DAB1: variants seen among roughly 807,000 people sequenced by gnomAD.
DAB1 encodes the protein disabled homolog 1.
In DAB1, 15 loss-of-function variants were observed where a neutral mutation model predicts 64.6. The ratio of observed to expected loss-of-function variants is 0.23; its 90% confidence interval spans 0.16 to 0.36. The LOEUF is 0.36. DAB1 is among the 10% of genes least tolerant of loss of function. The pLI is 1.00. For missense variants in DAB1, 596 were observed against 706.7 expected (o/e 0.84, Z 1.78); for synonymous variants, 235 against 251.9 (o/e 0.93, Z 0.64).
intron 4 of DAB1, among the ~76,000 whole-genome samples, chr1:58,223,353 G>A (rs1659277918): frequency 6.6e-6 from 1 of 152,132 alleles, no homozygotes; most frequent in Non-Finnish European, 1.5e-5. Flanking sequence ...CAGGACCAAA[G>A]GTATAATTGA....
intron 2 of DAB1, among the ~76,000 whole-genome samples, chr1:57,174,172 C>G (rs1055962577): frequency 1.3e-5 from 2 of 152,176 alleles, no homozygotes; most frequent in African/African-American, 4.8e-5. Flanking sequence ...CAATTCCTAT[C>G]AGTATTCCAT....
intron 6 of DAB1, among the ~76,000 whole-genome samples, chr1:57,785,686 G>A (rs1459317546): frequency 2.0e-5 from 3 of 152,140 alleles, no homozygotes; most frequent in African/African-American, 7.2e-5. Context: ...TAACAGATAA[G>A]GAGTTGCTTA....
intron 4 of DAB1, among the ~76,000 whole-genome samples, chr1:58,181,784 T>C (rs1050214505): frequency 2.0e-5 from 3 of 151,190 alleles, no homozygotes; most frequent in East Asian, 1.9e-4. Context: ...AGCCCAACAA[T>C]AGATTTTAAA....
At chr1:58,240,230 T>C (rs1432021914) in intron 4 of DAB1, among the ~76,000 whole-genome samples, 2 of 152,200 alleles carry the variant, frequency 1.3e-5, no homozygotes, top group Non-Finnish European at 2.9e-5. Flanking sequence ...CTCCCTTCTG[T>C]TAGAAGTGGC....
chr1:58,069,675 T>G lies in DAB1; in HGVS notation n.387+80836A>C, dbSNP rs367907523. On this transcript the variant is annotated intron_variant and non_coding_transcript_variant, in intron 5 of 20. Transcript: ENST00000485760. The stretch of plus-strand genomic sequence containing the variant: ...CAACACACCTAATATCAATAATTAG[T>G]GTCTCCATGTTGAAATGATATCTTA... 5.0e-4 allele frequency among the ~76,000 whole-genome samples: 76 copies of G among 152,304 alleles called. No individual in the cohort carries two copies. The South Asian group carries it at 0.015, about 31-fold the overall frequency.
chr1:57,062,770 CAT>C (rs1650528478), intron 9 of DAB1, 112 bp downstream of exon 9: 2 of 849,242 alleles, frequency 2.4e-6, no homozygotes, highest in African/African-American at 1.7e-5. Flanking sequence ...CCAGCAGAAA[CAT>C]GTGGGGCCAT....
intron 4 of DAB1, among the ~76,000 whole-genome samples, chr1:58,199,413 C>A (rs966091780): frequency 3.7e-4 from 56 of 152,160 alleles, no homozygotes; most frequent in Non-Finnish European, 8.1e-4. Context: ...TCATAAAATT[C>A]TAGTAAGATA....
intron 3 of DAB1, among the ~76,000 whole-genome samples, chr1:58,390,078 C>A (rs1473438590): frequency 6.6e-6 from 1 of 152,004 alleles, no homozygotes; most frequent in African/African-American, 2.4e-5. Flanking sequence ...TAACACAGCT[C>A]AATATATTTT....
At chr1:57,238,376 G>A (rs1668245237) in intron 2 of DAB1, among the ~76,000 whole-genome samples, 1 of 152,192 alleles carries the variant, frequency 6.6e-6, no homozygotes, top group South Asian at 2.1e-4. Flanking sequence ...AGGAGAAAGA[G>A]CCAGAGGATA....
intron 1 of DAB1, among the ~76,000 whole-genome samples, chr1:57,378,850 A>G (rs1681123733): frequency 6.6e-6 from 1 of 152,198 alleles, no homozygotes; most frequent in South Asian, 2.1e-4. Context: ...TGGACCCAAA[A>G]GGAGAATATT....
intron 7 of DAB1, among the ~76,000 whole-genome samples, chr1:57,609,424 A>G (rs1268575388): frequency 2.0e-5 from 3 of 152,216 alleles, no homozygotes; most frequent in African/African-American, 4.8e-5. Context: ...ATATGCAAAT[A>G]TTATACCATT....
At chr1:57,207,641 C>G (rs977613087) in intron 2 of DAB1, among the ~76,000 whole-genome samples, 1 of 150,146 alleles carries the variant, frequency 6.7e-6, no homozygotes, top group Non-Finnish European at 1.5e-5. Flanking sequence ...GACGGGGTTT[C>G]ACCGTTTTTA....
rs141160990 is a variant in DAB1, at chr1:57,243,420, C to T, written c.67+47544G>A. 2.2e-4 allele frequency among the ~76,000 whole-genome samples: 34 copies of T among 152,264 alleles called. No homozygotes were observed. In the East Asian group the frequency reaches 6.4e-3, roughly 29 times the overall value. ...CCAATACTTTTTGCCCCTCAACTCT[C>T]TGTTTCATTTATCTTCTCCTGACTA... On this transcript the variant is annotated intron_variant, in intron 2 of 14. Transcript: ENST00000371236.
At chr1:57,675,872 A>T (rs1646560548) in intron 6 of DAB1, among the ~76,000 whole-genome samples, 1 of 152,192 alleles carries the variant, frequency 6.6e-6, no homozygotes, top group African/African-American at 2.4e-5. Flanking sequence ...TTTGAAGATT[A>T]TTAATAGAAA....
chr1:57,468,122 C>A (rs752311362), intron 7 of DAB1, among the ~76,000 whole-genome samples: 2 of 152,128 alleles, frequency 1.3e-5, no homozygotes, highest in African/African-American at 4.8e-5. Flanking sequence ...AAAGACTGTG[C>A]GTTTCTCAGA....
chr1:57,567,552 T>A (rs573562361), intron 7 of DAB1, among the ~76,000 whole-genome samples: 10 of 152,316 alleles, frequency 6.6e-5, no homozygotes, highest in African/African-American at 2.4e-4. Flanking sequence ...CCAAATCTCC[T>A]TAAGCTGATA....
chr1:57,524,727 T>C (rs1217251346), intron 7 of DAB1, among the ~76,000 whole-genome samples: 2 of 152,308 alleles, frequency 1.3e-5, no homozygotes, highest in Admixed American at 6.5e-5. Context: ...CAAATCACAA[T>C]GGTGGAATGT....
intron 5 of DAB1, among the ~76,000 whole-genome samples, chr1:57,969,028 CTTGT>C (rs1341673601): frequency 6.6e-6 from 1 of 152,122 alleles, no homozygotes; most frequent in Admixed American, 6.6e-5. Flanking sequence ...CAGTATCATT[CTTGT>C]TTATCTGGAA....
chr1:57,230,436 A>G (rs1169077282), intron 2 of DAB1, among the ~76,000 whole-genome samples: 1 of 152,164 alleles, frequency 6.6e-6, no homozygotes, highest in Non-Finnish European at 1.5e-5. Context: ...AAATAGAATT[A>G]CTAAAATTAA....
Sources: gnomAD v4.1 joint callset for allele counts (sites outside exome capture counted in the v4.1 genomes callset) on GRCh38, gnomAD v4.1.1 for gene constraint, MANE v1.5 for transcripts, NCBI Gene and HGNC (gene_info 2026-07-23, HGNC 2026-07-21) for gene names.